PLXNA1: variants seen among roughly 807,000 people sequenced by gnomAD.
PLXNA1 encodes the protein plexin A1.
In PLXNA1, 77 loss-of-function variants were observed where a neutral mutation model predicts 191.7. The ratio of observed to expected loss-of-function variants is 0.40; its 90% CI spans 0.33 to 0.49. PLXNA1 has a LOEUF of 0.49. Among genes scored for constraint, PLXNA1 ranks in the 20% least tolerant of loss-of-function variants. PLXNA1 has a pLI of 0.63. For missense variants in PLXNA1, 2,110 were observed against 2,660.2 expected (o/e 0.79, Z 4.55); for synonymous variants, 1,137 against 1,156.4 (o/e 0.98, Z 0.34).
chr3:127,009,616 CCT>C (rs2079086325), intron 9 of PLXNA1, among the ~76,000 whole-genome samples: 2 of 151,430 alleles, frequency 1.3e-5, no homozygotes, highest in South Asian at 2.1e-4. Flanking sequence ...CGGGCCACCC[CCT>C]GAGACAGGAG....
intron 1 of PLXNA1, among the ~76,000 whole-genome samples, chr3:126,988,245 C>G (rs1459141049): frequency 6.6e-6 from 1 of 152,180 alleles, no homozygotes; most frequent in Non-Finnish European, 1.5e-5. Flanking sequence ...CACCTGCCTT[C>G]CTGTTCCTGG....
rs6773789 is a variant in PLXNA1, at chr3:126,989,610, T to C, written c.1017T>C (p.Thr339=). Residue 339 remains threonine (T), a synonymous_variant, in exon 2 of 32, where the codon ACT becomes ACC. Transcript: ENST00000393409. ...GLAEDEDVLF[T]VFAQGQKNRV... is the part of the protein sequence containing the mutation. Reference sequence around the variant, plus strand: ...CTGAGGACGAGGACGTGCTGTTCACTGTGTTCGCCCAGGGCCAGAAGAACC... The same window carrying C: ...CTGAGGACGAGGACGTGCTGTTCACCGTGTTCGCCCAGGGCCAGAAGAACC... 540,348 of 1,612,908 alleles carry C rather than the reference T, an allele frequency of 0.34. 95,705 individuals carry two copies. Among genetic ancestry groups the C allele is most frequent in the African/African-American group, 0.66 (49,440 of 74,934 alleles).
intron 15 of PLXNA1, among the ~76,000 whole-genome samples, chr3:127,016,071 G>T (rs1410647697): frequency 6.6e-6 from 1 of 152,086 alleles, no homozygotes; most frequent in Non-Finnish European, 1.5e-5. Flanking sequence ...GGAAGGTCGC[G>T]CCAGGGCTTA....
At chr3:127,032,920 C>A in intron 31 of PLXNA1, 84 bp downstream of exon 31, 1 of 1,421,874 alleles carries the variant, frequency 7.0e-7, no homozygotes, top group Non-Finnish European at 9.6e-7. Flanking sequence ...CGCCCTGCCA[C>A]TCCTCCCTGA....
At position 127,029,017 on chromosome 3, in the gene PLXNA1, G is replaced by A. The variant is rs142147514; in HGVS notation, c.4694G>A (p.Arg1565His). ...GAGTGGCGCCAGGGCCGCATGGCGC[G>A]CATCATCCTGCAGGACGAGGACGTC... ...DLEWRQGRMA[R>H]IILQDEDVTT... Residue 1565 changes from arginine to histidine, a missense_variant, in exon 26 of 32, where the codon CGC becomes CAC. Coordinates refer to ENST00000393409, the MANE Select transcript of PLXNA1 (RefSeq NM_032242.4). The A allele has an allele frequency of 1.6e-4, 266 of 1,613,212 alleles. 1 individual carries two copies. The highest frequency in any genetic ancestry group is 3.7e-4 in the South Asian group (34 of 91,074).
rs372267530 is a variant in PLXNA1, at chr3:126,989,126, C to T, written c.533C>T (p.Pro178Leu). Reference sequence around the variant, plus strand: ...GCGGGCGTGCTCATTGCCGGGCCACCGGGCCAGGGCCAGGCCAAGCTCTTC... The same window carrying T: ...GCGGGCGTGCTCATTGCCGGGCCACTGGGCCAGGGCCAGGCCAAGCTCTTC... Reference protein sequence around the residue: ...SMAGVLIAGPPGQGQAKLFVG... With the variant: ...SMAGVLIAGPLGQGQAKLFVG... The change falls in exon 2 of 32, where the codon CCG becomes CTG. Residue 178 changes from proline (P) to leucine (L), a missense_variant. Coordinates refer to ENST00000393409, the MANE Select transcript of PLXNA1 (RefSeq NM_032242.4). 26 of 1,613,052 alleles carry T rather than the reference C, an allele frequency of 1.6e-5. No individual in the cohort carries two copies. The highest frequency in any genetic ancestry group is 1.6e-4 in the East Asian group (7 of 44,898).
rs769072483 is a variant in PLXNA1 at position 127,005,070 on chromosome 3, G to A, written c.1744-20G>A. The A allele has an allele frequency of 2.5e-6, 4 of 1,611,640 alleles. No homozygotes were observed. The highest frequency in any genetic ancestry group is 3.4e-6 in the Non-Finnish European group (4 of 1,179,094). On this transcript the variant is annotated intron_variant, in intron 6 of 31. Coordinates refer to ENST00000393409, the MANE Select transcript of PLXNA1 (RefSeq NM_032242.4). Reference sequence around the variant, plus strand: ...CAGCCATGGGGACCCTGCTCACCATGCCTCCTGCTGCCTGCCCAGCTTGTG... The same window carrying A: ...CAGCCATGGGGACCCTGCTCACCATACCTCCTGCTGCCTGCCCAGCTTGTG...
intron 8 of PLXNA1, among the ~76,000 whole-genome samples, chr3:127,006,995 G>A (rs1025619148): frequency 4.8e-4 from 73 of 152,194 alleles, no homozygotes; most frequent in African/African-American, 1.6e-3. Flanking sequence ...CTCACAGATG[G>A]ACTCTGTCAC....
At chr3:127,032,628 A>G (rs1318426477) in intron 30 of PLXNA1, 29 bp downstream of exon 30, 1 of 1,597,404 alleles carries the variant, frequency 6.3e-7, no homozygotes, top group Admixed American at 1.7e-5. Context: ...GGTCGGGGGC[A>G]GGGGCCCGGG....
At chr3:127,028,490 G>T in intron 25 of PLXNA1, 150 bp downstream of exon 25, 1 of 889,346 alleles carries the variant, frequency 1.1e-6, no homozygotes, top group Non-Finnish European at 1.7e-6. Flanking sequence ...GGGCTGTCCA[G>T]TCCCAGGTTG....
intron 2 of PLXNA1, 82 bp from the exon 3 acceptor site, chr3:126,991,302 C>A: frequency 6.7e-7 from 1 of 1,493,198 alleles, no homozygotes; most frequent in Non-Finnish European, 9.2e-7. Flanking sequence ...AAGACAACTG[C>A]ACTCCCAGCC....
Position 127,016,598 on chromosome 3 carries a change from C to G in PLXNA1, c.3096C>G (p.Arg1032=). The G allele has an allele frequency of 6.2e-7, 1 of 1,614,028 alleles. No individual in the cohort carries two copies. Among genetic ancestry groups the G allele is most frequent in the Non-Finnish European group, 8.5e-7 (1 of 1,179,970 alleles). ...CTCCCATCATCATCAACATCAACCG[C>G]GCCCAGCTCACCAACCCTGAGGTGA... ...GSAPIIININ[R]AQLTNPEVKY... is the part of the protein sequence containing the mutation. Residue 1032 remains arginine, a synonymous_variant, in exon 16 of 32, where the codon CGC becomes CGG. Transcript: ENST00000393409.
rs1559953150 is a variant in PLXNA1 at position 126,989,727 on chromosome 3, T to G, written c.1134T>G (p.Arg378=). The G allele has an allele frequency of 6.2e-7, 1 of 1,613,020 alleles. No homozygotes were observed. Among genetic ancestry groups the G allele is most frequent in the East Asian group, 2.2e-5 (1 of 44,870 alleles). The change falls in exon 2 of 32, where the codon CGT becomes CGG. Residue 378 remains arginine, a synonymous_variant. Transcript: ENST00000393409. The part of the protein sequence containing the change: ...KIKERIQSCY[R]GEGKLSLPWL... ...AGGAGCGCATCCAGTCCTGCTACCGTGGTGAGGGCAAGCTCTCCCTGCCGT... is the reference window on the plus strand; with the variant it reads ...AGGAGCGCATCCAGTCCTGCTACCGGGGTGAGGGCAAGCTCTCCCTGCCGT...
intron 5 of PLXNA1, 61 bp from the exon 6 acceptor site, chr3:127,004,824 G>GCCTGGCAGGCGGGCCCCGTAGGTCTCC: frequency 6.4e-7 from 1 of 1,571,646 alleles, no homozygotes; most frequent in Non-Finnish European, 8.6e-7. Flanking sequence ...CCCAGGTCCC[G>GCCTGGCAGGCGGGCCCCGTAGGTCTCC]CCTGGCAGGC....
intron 22 of PLXNA1, 112 bp downstream of exon 22, chr3:127,022,453 G>T (rs1287574178): frequency 7.3e-7 from 1 of 1,376,322 alleles, no homozygotes; most frequent in Non-Finnish European, 9.8e-7. Context: ...CCGGGCAGGG[G>T]TGGGAGGACT....
rs1275890499 is a variant in PLXNA1, at chr3:127,016,517, G to C, written c.3015G>C (p.Trp1005Cys). The C allele has an allele frequency of 6.2e-7, 1 of 1,613,518 alleles. No individual in the cohort carries two copies. Among genetic ancestry groups the C allele is most frequent in the Non-Finnish European group, 8.5e-7 (1 of 1,179,888 alleles). The change falls in exon 16 of 32, where the codon TGG becomes TGC. Residue 1005 changes from tryptophan to cysteine, a missense_variant and splice_region_variant. Transcript: ENST00000393409. The part of the protein sequence containing the change: ...SVGGRPCSFS[W>C]RNSREIRCLT... ...CACTGTCCCACTCGGGCACCTCCAG[G>C]AGGAACTCCCGTGAGATCCGGTGCC...
intron 21 of PLXNA1, among the ~76,000 whole-genome samples, chr3:127,021,074 C>A (rs1320739931): frequency 6.6e-6 from 1 of 152,328 alleles, no homozygotes; most frequent in African/African-American, 2.4e-5. Flanking sequence ...GGGCACCCCC[C>A]AACCGTGTGC....
At chr3:127,004,460 G>A in intron 4 of PLXNA1, 151 bp from the exon 5 acceptor site, 1 of 658,394 alleles carries the variant, frequency 1.5e-6, no homozygotes, top group East Asian at 2.7e-5. Context: ...GGCTTGGCCA[G>A]GGCAGGGTCA....
In PLXNA1 at chr3:127,014,179, C is replaced by T; in HGVS notation, c.2411-3C>T. 1 of 1,611,100 alleles carries T rather than the reference C, an allele frequency of 6.2e-7. No homozygotes were observed. The highest frequency in any genetic ancestry group is 8.5e-7 in the Non-Finnish European group (1 of 1,178,590). On this transcript the variant is annotated splice_region_variant and splice_polypyrimidine_tract_variant and intron_variant, in intron 11 of 31. Coordinates refer to ENST00000393409, the MANE Select transcript of PLXNA1 (RefSeq NM_032242.4). ...CCCGAGCTGACCGCACCCCTCCCCA[C>T]AGCGCACCTCTACAAGTGCCCGGCC...
Sources: gnomAD v4.1 joint callset for allele counts (sites outside exome capture counted in the v4.1 genomes callset) on GRCh38, gnomAD v4.1.1 for gene constraint, MANE v1.5 for transcripts, NCBI Gene and HGNC (gene_info 2026-07-23, HGNC 2026-07-21) for gene names.